The following SYTL3 variants were observed in gnomAD, a reference collection of about 807,000 sequenced individuals.
The protein encoded by SYTL3 is synaptotagmin like 3, also known as synaptotagmin-like protein 3.
A neutral mutation model predicts 82.1 loss-of-function variants in SYTL3; 88 were observed. The ratio of observed to expected loss-of-function variants is 1.07; its 90% CI spans 0.90 to 1.28. SYTL3 has a LOEUF of 1.28. SYTL3 is among the 50% of genes most tolerant of loss of function. SYTL3 has a pLI of 0.00. For synonymous variants in SYTL3, 311 were observed against 289.4 expected (o/e 1.07, Z -0.76); for missense variants, 831 against 757.6 (o/e 1.10, Z -1.14).
intron 13 of SYTL3, among the ~76,000 whole-genome samples, chr6:158,753,891 T>G (rs929166249): frequency 4.0e-5 from 6 of 151,806 alleles, no homozygotes; most frequent in African/African-American, 1.5e-4. Context: ...CAGTTACAAT[T>G]AAAATAATCG....
chr6:158,727,955 G>A (rs1301650301), intron 11 of SYTL3, among the ~76,000 whole-genome samples: 4 of 152,204 alleles, frequency 2.6e-5, no homozygotes, highest in Admixed American at 2.6e-4. Flanking sequence ...GAACTTGGAA[G>A]TGATATTTTA....
chr6:158,675,471 A>G (rs1030906898), intron 5 of SYTL3, among the ~76,000 whole-genome samples: 2 of 152,216 alleles, frequency 1.3e-5, no homozygotes, highest in Non-Finnish European at 2.9e-5. Context: ...GCTAGTGGAA[A>G]AAAACGAGTA....
chr6:158,741,516 G>A (rs1786924224), intron 11 of SYTL3, among the ~76,000 whole-genome samples: 1 of 152,206 alleles, frequency 6.6e-6, no homozygotes, highest in African/African-American at 2.4e-5. Flanking sequence ...CTTCTCAGAT[G>A]TAATGGTTTC....
At chr6:158,667,518 C>A (rs1384139004) in intron 5 of SYTL3, among the ~76,000 whole-genome samples, 2 of 152,182 alleles carry the variant, frequency 1.3e-5, no homozygotes, top group African/African-American at 2.4e-5. Context: ...GGCTGTCCTC[C>A]TCCTCTTTAG....
intron 6 of SYTL3, among the ~76,000 whole-genome samples, chr6:158,691,927 A>G (rs991411554): frequency 2.7e-5 from 4 of 148,578 alleles, no homozygotes; most frequent in African/African-American, 9.9e-5. Flanking sequence ...CTGGGATTAC[A>G]GGCGTGAGCC....
At chr6:158,707,554 T>G (rs574393548) in intron 7 of SYTL3, among the ~76,000 whole-genome samples, 58 of 152,370 alleles carry the variant, frequency 3.8e-4, no homozygotes, top group African/African-American at 1.3e-3. Flanking sequence ...ATAAGGAAAC[T>G]AAATATTATG....
At position 158,751,909 on chromosome 6, in the gene SYTL3, C is replaced by G; in HGVS notation, c.1035-19C>G. 1 of 1,583,160 alleles carries G rather than the reference C, an allele frequency of 6.3e-7. No homozygotes were observed. The highest frequency in any genetic ancestry group is 1.1e-5 in the South Asian group (1 of 87,698). On this transcript the variant is annotated intron_variant, in intron 12 of 17. Transcript: ENST00000611299. ...TTTCCCTGAGTTCTCACTCTGTCCC[C>G]GCTGTGTTTGGCCCCTAGGTATGTG...
At chr6:158,759,477 G>A (rs886781701) in intron 14 of SYTL3, among the ~76,000 whole-genome samples, 3 of 152,180 alleles carry the variant, frequency 2.0e-5, no homozygotes, top group Admixed American at 6.5e-5. Flanking sequence ...ATGGTGGACC[G>A]GATGTGTCAA....
At chr6:158,754,699 G>A (rs1171244040) in intron 13 of SYTL3, among the ~76,000 whole-genome samples, 2 of 152,322 alleles carry the variant, frequency 1.3e-5, no homozygotes, top group East Asian at 1.9e-4. Context: ...CAGCCTGGGC[G>A]ACAGAGCGAG....
At chr6:158,672,085 G>A (rs1482251193) in intron 5 of SYTL3, among the ~76,000 whole-genome samples, 3 of 152,272 alleles carry the variant, frequency 2.0e-5, no homozygotes, top group African/African-American at 7.2e-5. Flanking sequence ...AAGCTCAGGA[G>A]TTCATGACCA....
At chr6:158,693,855 C>CTTTTTT in intron 6 of SYTL3, among the ~76,000 whole-genome samples, 1 of 96,866 alleles carries the variant, frequency 1.0e-5, no homozygotes, top group Non-Finnish European at 1.9e-5. Context: ...TTTTTCTTTT[C>CTTTTTT]TTTTTTTTTT....
At chr6:158,761,529 C>A (rs372465725) in intron 15 of SYTL3, among the ~76,000 whole-genome samples, 1 of 151,926 alleles carries the variant, frequency 6.6e-6, no homozygotes, top group Admixed American at 6.6e-5. Flanking sequence ...AGGATGGTCT[C>A]GATCTCCTGA....
intron 5 of SYTL3, among the ~76,000 whole-genome samples, chr6:158,682,455 G>A (rs1399267002): frequency 7.0e-6 from 1 of 143,460 alleles, no homozygotes; most frequent in African/African-American, 2.7e-5. Flanking sequence ...CACCTCCCGG[G>A]TTCACGCCAT....
intron 12 of SYTL3, among the ~76,000 whole-genome samples, chr6:158,747,351 T>A (rs1787794414): frequency 6.6e-6 from 1 of 151,688 alleles, no homozygotes; most frequent in Non-Finnish European, 1.5e-5. Flanking sequence ...AAAAATTTAA[T>A]TAATTAAAAT....
intron 2 of SYTL3, among the ~76,000 whole-genome samples, chr6:158,654,876 G>A: frequency 6.6e-6 from 1 of 152,178 alleles, no homozygotes; most frequent in East Asian, 1.9e-4. Flanking sequence ...GTGCTGTGGT[G>A]TGGGATTTAT....
chr6:158,703,417 C>T (rs558063365), intron 6 of SYTL3, among the ~76,000 whole-genome samples: 9 of 152,122 alleles, frequency 5.9e-5, no homozygotes, highest in East Asian at 3.9e-4. Flanking sequence ...ACCTGCCTCT[C>T]GAGGGATGCC....
chr6:158,742,508 C>A (rs1244070136), intron 11 of SYTL3, among the ~76,000 whole-genome samples: 3 of 152,060 alleles, frequency 2.0e-5, no homozygotes, highest in African/African-American at 7.2e-5. Context: ...AAGCCCCTTC[C>A]CTGTGATAAG....
At chr6:158,746,123 G>A (rs1192875922) in intron 12 of SYTL3, among the ~76,000 whole-genome samples, 2 of 151,850 alleles carry the variant, frequency 1.3e-5, no homozygotes, top group African/African-American at 4.8e-5. Context: ...AGCTCTCTTC[G>A]GGCCTCTTTT....
At chr6:158,694,567 T>C (rs1780364501) in intron 6 of SYTL3, among the ~76,000 whole-genome samples, 1 of 152,172 alleles carries the variant, frequency 6.6e-6, no homozygotes, top group African/African-American at 2.4e-5. Flanking sequence ...AATGCTGGGG[T>C]TACAGGCATG....
Sources: allele counts gnomAD v4.1 joint callset (sites outside exome capture counted in the v4.1 genomes callset), GRCh38; gene constraint gnomAD v4.1.1; transcripts MANE v1.5; gene names NCBI Gene and HGNC (gene_info 2026-07-23, HGNC 2026-07-21).